Variants in RAD9B observed in about 807,000 individuals in gnomAD.
RAD9B encodes the protein RAD9 checkpoint clamp component B, also known as cell cycle checkpoint control protein RAD9B.
RAD9B carries 41 observed loss-of-function variants against 48.3 expected under a neutral mutation model. That is an observed-to-expected ratio of 0.85 (90% CI 0.66 to 1.10). RAD9B has a LOEUF of 1.10. Among genes scored for constraint, RAD9B ranks in the 50% least tolerant of loss-of-function variants. The probability of loss-of-function intolerance (pLI) is 0.00; values close to 1 mark genes in which losing one functional copy is unlikely to be tolerated. For missense variants in RAD9B, 444 were observed against 485.1 expected (o/e 0.92, Z 0.80); for synonymous variants, 160 against 157.9 (o/e 1.01, Z -0.10).
Position 110,503,850 on chromosome 12 carries a change from T to C in RAD9B, c.91T>C (p.Phe31Leu), listed in dbSNP as rs376789426. The change falls in exon 2 of 11, where the codon TTC becomes CTC. Residue 31 changes from phenylalanine (F) to leucine (L), a missense_variant. By Grantham distance (22) the Phe-to-Leu change is conservative. Coordinates refer to ENST00000409300, the MANE Select transcript of RAD9B (RefSeq NM_001286535.2). ...AGCTCTATCACGAATTAGTGACGAG[T>C]TCTGGCTAGACCCATCTAAAAAAGG... is the stretch of plus-strand genomic sequence containing the variant. The part of the protein sequence containing the change: ...VQALSRISDE[F>L]WLDPSKKGLA... The C allele has an allele frequency of 2.1e-5, 33 of 1,602,122 alleles. No homozygotes were observed. Among genetic ancestry groups the C allele is most frequent in the East Asian group, 1.6e-4 (7 of 44,588 alleles).
At chr12:110,527,063 T>C (rs1016347119) in intron 10 of RAD9B, among the ~76,000 whole-genome samples, 1 of 152,178 alleles carries the variant, frequency 6.6e-6, no homozygotes, top group Non-Finnish European at 1.5e-5. Context: ...GAAGTCCTAA[T>C]TGGGTCTCAA....
chr12:110,510,757 C>T (rs890253755), intron 4 of RAD9B, among the ~76,000 whole-genome samples: 1 of 152,184 alleles, frequency 6.6e-6, no homozygotes, highest in African/African-American at 2.4e-5. Flanking sequence ...GACAATAATT[C>T]AGCCTCGGCA....
rs1335428837 is a variant in RAD9B at position 110,531,785 on chromosome 12, TATG to T, written c.*1136_*1138del. On this transcript the variant is annotated 3_prime_UTR_variant, in exon 11 of 11. Coordinates refer to ENST00000409300, the MANE Select transcript of RAD9B (RefSeq NM_001286535.2). ...CACAAAACATTGTTATGTAATGTCT[TATG>T]ATGTGTGCCTCTCCCTCCCCCAAAC... 3.1e-6 allele frequency: 2 copies of T among 651,704 alleles called. No individual in the cohort carries two copies. The highest frequency in any genetic ancestry group is 3.7e-5 in the African/African-American group (2 of 53,946). 40.4% of individuals were successfully genotyped at this position (651,704 alleles called of 1,614,324 possible).
rs2064124325 is a variant in RAD9B, at chr12:110,531,121, T to C, written c.*468T>C. ...GTAATACCATGGCCTTTTTTGTGCA[T>C]TGTTTTTTATATTTTAAGACTTTAA... On this transcript the variant is annotated 3_prime_UTR_variant, in exon 11 of 11. Transcript: ENST00000409300. 2 of 992,796 alleles carry C rather than the reference T, an allele frequency of 2.0e-6. No individual in the cohort carries two copies. Among genetic ancestry groups the C allele is most frequent in the South Asian group, 8.9e-5 (2 of 22,358 alleles). The allele number at this position is 992,796 out of a possible 1,614,324, so 61.5% of individuals were successfully genotyped here.
chr12:110,526,453 A>G (rs539313123), intron 10 of RAD9B, among the ~76,000 whole-genome samples: 2 of 152,334 alleles, frequency 1.3e-5, no homozygotes, highest in Non-Finnish European at 2.9e-5. Flanking sequence ...AAGATTAAAG[A>G]AAACCTCAGC....
At chr12:110,520,749 C>A (rs1593093216) in intron 9 of RAD9B, among the ~76,000 whole-genome samples, 1 of 145,656 alleles carries the variant, frequency 6.9e-6, no homozygotes, top group African/African-American at 2.5e-5. Context: ...CCCCTGGGTT[C>A]AAGCAATTCT....
intron 2 of RAD9B, 77 bp from the exon 3 acceptor site, chr12:110,505,540 C>G: frequency 7.5e-7 from 1 of 1,325,370 alleles, no homozygotes; most frequent in Non-Finnish European, 9.9e-7. Flanking sequence ...CTTGGCTTCC[C>G]AAAGTGCTTG....
Position 110,530,687 on chromosome 12 carries a change from G to C in RAD9B, c.*34G>C. The C allele has an allele frequency of 6.2e-7, 1 of 1,611,672 alleles. No individual in the cohort carries two copies. Among genetic ancestry groups the C allele is most frequent in the Non-Finnish European group, 8.5e-7 (1 of 1,178,594 alleles). On this transcript the variant is annotated 3_prime_UTR_variant, in exon 11 of 11. Coordinates refer to ENST00000409300, the MANE Select transcript of RAD9B (RefSeq NM_001286535.2). ...GATGGCTGAGCTGGGCCCCAGCCCA[G>C]TGACTGGCTCATTTGCCCCTCAAGC... is the stretch of plus-strand genomic sequence containing the variant.
intron 3 of RAD9B, among the ~76,000 whole-genome samples, chr12:110,506,221 C>A (rs1316706723): frequency 7.0e-6 from 1 of 143,550 alleles, no homozygotes; most frequent in Non-Finnish European, 1.5e-5. Flanking sequence ...CGGAGTCTCG[C>A]TTTGTCGCCC....
At chr12:110,506,494 G>C (rs61942603) in intron 3 of RAD9B, 85 bp from the exon 4 acceptor site, 131,832 of 754,442 alleles carry the variant, frequency 0.17, 13,052 homozygotes, top group East Asian at 0.32. Flanking sequence ...GGCCAAGTCT[G>C]TTCATTTATG....
intron 6 of RAD9B, among the ~76,000 whole-genome samples, chr12:110,516,152 G>C (rs534092711): frequency 2.6e-5 from 4 of 151,936 alleles, no homozygotes; most frequent in Non-Finnish European, 2.9e-5. Flanking sequence ...GCTTGAGCCC[G>C]TAAGTTTGAG....
At chr12:110,518,079 A>T (rs6606688) in intron 6 of RAD9B, among the ~76,000 whole-genome samples, 122,209 of 151,932 alleles carry the variant, frequency 0.8, 49,452 homozygotes, top group East Asian at 1. Flanking sequence ...TAGTCCCAGC[A>T]ACTCGGGAGG....
intron 10 of RAD9B, among the ~76,000 whole-genome samples, chr12:110,529,588 G>A (rs183072098): frequency 1.3e-5 from 2 of 149,910 alleles, no homozygotes. Context: ...TGGTCTTTAC[G>A]GAAAAAAAAA....
At chr12:110,520,712 A>T (rs565775651) in intron 9 of RAD9B, among the ~76,000 whole-genome samples, 56 of 135,430 alleles carry the variant, frequency 4.1e-4, no homozygotes, top group Non-Finnish European at 7.6e-4. Context: ...GTGCAGTGGC[A>T]TGATCTCAGC....
chr12:110,510,867 T>G (rs2063437295), intron 4 of RAD9B, among the ~76,000 whole-genome samples: 1 of 151,290 alleles, frequency 6.6e-6, no homozygotes, highest in Admixed American at 6.6e-5. Flanking sequence ...GATGGGAGGA[T>G]CACTTGAGCC....
intron 10 of RAD9B, among the ~76,000 whole-genome samples, chr12:110,525,641 C>T (rs796382013): frequency 1.2e-4 from 18 of 152,056 alleles, no homozygotes; most frequent in African/African-American, 4.3e-4. Context: ...TGGTGTCTGC[C>T]GGCTCTCTAC....
chr12:110,502,886 C>G (rs1392081914), intron 1 of RAD9B: 1 of 157,718 alleles, frequency 6.3e-6, no homozygotes, highest in Non-Finnish European at 1.4e-5. Context: ...AATGGAAATG[C>G]GTGTAAAGAG....
intron 6 of RAD9B, among the ~76,000 whole-genome samples, chr12:110,517,791 A>AC (rs1565891295): frequency 1.9e-5 from 2 of 105,182 alleles, no homozygotes; most frequent in Admixed American, 8.8e-5. Flanking sequence ...CACACACACA[A>AC]ATAATTATAA....
chr12:110,504,576 A>G (rs1446543226), intron 2 of RAD9B, among the ~76,000 whole-genome samples: 6 of 152,064 alleles, frequency 3.9e-5, no homozygotes, highest in South Asian at 4.1e-4. Flanking sequence ...TCCCAAGTGG[A>G]AGTAGTTGGC....
Sources: gnomAD v4.1 joint callset for allele counts (sites outside exome capture counted in the v4.1 genomes callset) on GRCh38, gnomAD v4.1.1 for gene constraint, MANE v1.5 for transcripts, NCBI Gene and HGNC (gene_info 2026-07-23, HGNC 2026-07-21) for gene names.